Variants in KCNQ1 observed in about 807,000 individuals in gnomAD.
KCNQ1 encodes potassium voltage-gated channel subfamily Q member 1, also known as potassium voltage-gated channel subfamily KQT member 1.
KCNQ1 carries 49 observed loss-of-function variants against 72.4 expected under a neutral mutation model. That is an observed-to-expected ratio of 0.68 (90% CI 0.54 to 0.86). KCNQ1 has a LOEUF of 0.86. KCNQ1 is among the 40% of genes least tolerant of loss of function. KCNQ1 has a pLI of 0.00. For synonymous variants in KCNQ1, 450 were observed against 412.6 expected, an observed-to-expected ratio of 1.09 and a Z score of -1.10; for missense variants, 790 against 945.1, an observed-to-expected ratio of 0.84 and a Z score of 2.15.
rs547646957 is a variant in KCNQ1, at chr11:2,745,208, G to A, written c.1515-23636G>A. Among the ~76,000 whole-genome samples, 1 of 152,276 alleles carries A rather than the reference G, an allele frequency of 6.6e-6. No individual in the cohort carries two copies. Among genetic ancestry groups the A allele is most frequent in the East Asian group, 1.9e-4 (1 of 5,186 alleles). ...TTCAACTGGAAGTTTGCTTGGGATT[G>A]CCTCGAATTTGCAGGTTAAATTTGG... On this transcript the variant is annotated intron_variant, in intron 11 of 15. Coordinates refer to ENST00000155840, the MANE Select transcript of KCNQ1 (RefSeq NM_000218.3). This position sits in a 1 kb window ranked among gnomAD's most constrained non-coding sequence, Gnocchi z 6.2.
rs1846464951 is a variant in KCNQ1 at position 2,471,706 on chromosome 11, GTGT to G, written c.386+26223_386+26225del. On this transcript the variant is annotated intron_variant, in intron 1 of 15. Transcript: ENST00000155840. The surrounding 1 kb of genome is among the most constrained non-coding windows in gnomAD (Gnocchi z 4.8). ...TGTATGGGTGTGCATGTGTGTATAG[GTGT>G]GTGTATGTGTGCATGGGCGTGTGTA... Among the ~76,000 whole-genome samples, 6 of 150,582 alleles carry G rather than the reference GTGT, an allele frequency of 4.0e-5. No individual in the cohort carries two copies. Among genetic ancestry groups the G allele is most frequent in the African/African-American group, 9.9e-5 (4 of 40,570 alleles).
In KCNQ1 at chr11:2,679,399, T is replaced by A. The variant is rs1420154569; in HGVS notation, c.1514+17318T>A. The A allele has an allele frequency of 2.5e-6, 1 of 398,508 alleles. No individual in the cohort carries two copies. Among genetic ancestry groups the A allele is most frequent in the East Asian group, 3.6e-5 (1 of 28,098 alleles). The allele number at this position is 398,508 out of a possible 1,614,324, so 24.7% of individuals were successfully genotyped here. ...AGTCTCAGTTTCTTTATTTGTAAAA[T>A]GGGAATCATAAGAGTACCTTCCTCA... On this transcript the variant is annotated intron_variant, in intron 11 of 15. Coordinates refer to ENST00000155840, the MANE Select transcript of KCNQ1 (RefSeq NM_000218.3). This position sits in a 1 kb window ranked among gnomAD's most constrained non-coding sequence, Gnocchi z 4.8.
chr11:2,833,883 CA>C (rs1033410850), intron 15 of KCNQ1, among the ~76,000 whole-genome samples: 2 of 152,194 alleles, frequency 1.3e-5, no homozygotes, highest in African/African-American at 4.8e-5. Context: ...CGGGGCTTGC[CA>C]AATATGTCCA....
chr11:2,572,600 G>A (rs549177930), intron 5 of KCNQ1, among the ~76,000 whole-genome samples: 17 of 152,230 alleles, frequency 1.1e-4, no homozygotes, highest in Admixed American at 3.3e-4. Context: ...AGTGGAGCCC[G>A]CGCCGGCCCA....
chr11:2,456,261 C>T lies in KCNQ1; in HGVS notation c.386+10777C>T, dbSNP rs921769875. ...GCTGAGGCAGGAGATTGCACCACTG[C>T]GCTCCAGCCTGGGTGACAAGAGCAA... On this transcript the variant is annotated intron_variant, in intron 1 of 15. Coordinates refer to ENST00000155840, the MANE Select transcript of KCNQ1 (RefSeq NM_000218.3). Among the ~76,000 whole-genome samples, 6 of 151,128 alleles carry T rather than the reference C, an allele frequency of 4.0e-5. 1 individual carries two copies. Among genetic ancestry groups the T allele is most frequent in the South Asian group, 4.2e-4 (2 of 4,810 alleles).
chr11:2,733,629 A>G (rs1216348828), intron 11 of KCNQ1, among the ~76,000 whole-genome samples: 1 of 151,978 alleles, frequency 6.6e-6, no homozygotes, highest in Non-Finnish European at 1.5e-5. Flanking sequence ...CTTGAGAGGA[A>G]GAACAGCCAG....
chr11:2,761,310 T>A (rs1048708759), intron 11 of KCNQ1, among the ~76,000 whole-genome samples: 1 of 152,066 alleles, frequency 6.6e-6, no homozygotes, highest in African/African-American at 2.4e-5. Flanking sequence ...TACGCTGGTG[T>A]GTTCCTCTCG....
intron 11 of KCNQ1, among the ~76,000 whole-genome samples, chr11:2,747,977 G>A (rs1466606419): frequency 2.0e-5 from 3 of 152,248 alleles, no homozygotes; most frequent in East Asian, 1.9e-4. Context: ...GACCAGAACC[G>A]GCTGCTTCCA....
intron 2 of KCNQ1, among the ~76,000 whole-genome samples, chr11:2,534,212 G>T (rs1250121030): frequency 6.6e-6 from 1 of 152,206 alleles, no homozygotes; most frequent in Non-Finnish European, 1.5e-5. Context: ...GTGGAACAAG[G>T]TCGGGTCCTG....
At chr11:2,555,639 A>G (rs147494552) in intron 2 of KCNQ1, among the ~76,000 whole-genome samples, 121 of 152,382 alleles carry the variant, frequency 7.9e-4, no homozygotes, top group South Asian at 1.4e-3. Flanking sequence ...TGTGGGGCTC[A>G]GCAGAGGATT....
Position 2,616,203 on chromosome 11 carries a change from TG to T in KCNQ1, c.1393+27350del, listed in dbSNP as rs201196387. ...AGATCAGTTATATCGTTCCCACTTT[TG>T]TTTTTTTTTCTTATTTTTGTTTTTT... On this transcript the variant is annotated intron_variant, in intron 10 of 15. Transcript: ENST00000155840. The T allele has an allele frequency of 3.5e-3, 1,345 of 385,466 alleles. 5 individuals are homozygous for T. Among genetic ancestry groups the T allele is most frequent in the Admixed American group, 0.026 (575 of 22,310 alleles). The allele number at this position is 385,466 out of a possible 1,614,324, so 23.9% of individuals were successfully genotyped here.
Position 2,494,137 on chromosome 11 carries a change from G to T in KCNQ1, c.387-33791G>T, listed in dbSNP as rs1194910492. On this transcript the variant is annotated intron_variant, in intron 1 of 15. Transcript: ENST00000155840. The surrounding 1 kb of genome is among the most constrained non-coding windows in gnomAD (Gnocchi z 4.6). ...ATGAATGGGGATTCACTCATGATTT[G>T]GCTCTCTGCTTGTCTATTTTTGGTG... Among the ~76,000 whole-genome samples, 1 of 151,990 alleles carries T rather than the reference G, an allele frequency of 6.6e-6. No homozygotes were observed. Among genetic ancestry groups the T allele is most frequent in the Non-Finnish European group, 1.5e-5 (1 of 68,008 alleles).
In KCNQ1 at chr11:2,735,730, G is replaced by GGGTCCTCCTGCAGCCTCTCTCCGT. The variant is rs1845945924; in HGVS notation, c.1515-33111_1515-33088dup. ...TCCAAGGTCAAGGTGCTGCAGGGCTGGGTCCTCCTGCAGCCTCTCTCCGTG... is the reference window on the plus strand; with the variant it reads ...TCCAAGGTCAAGGTGCTGCAGGGCTGGGTCCTCCTGCAGCCTCTCTCCGTGGTCCTCCTGCAGCCTCTCTCCGTG... On this transcript the variant is annotated intron_variant, in intron 11 of 15. Coordinates refer to ENST00000155840, the MANE Select transcript of KCNQ1 (RefSeq NM_000218.3). The surrounding 1 kb of genome is among the most constrained non-coding windows in gnomAD (Gnocchi z 7.7). Among the ~76,000 whole-genome samples the GGGTCCTCCTGCAGCCTCTCTCCGT allele has an allele frequency of 6.6e-6, 1 of 152,026 alleles. No homozygotes were observed. Among genetic ancestry groups the GGGTCCTCCTGCAGCCTCTCTCCGT allele is most frequent in the Non-Finnish European group, 1.5e-5 (1 of 68,010 alleles).
rs1218962796 is a variant in KCNQ1, at chr11:2,547,449, G to C, written c.477+19431G>C. Among the ~76,000 whole-genome samples, 1 of 152,024 alleles carries C rather than the reference G, an allele frequency of 6.6e-6. No homozygotes were observed. Among genetic ancestry groups the C allele is most frequent in the Non-Finnish European group, 1.5e-5 (1 of 68,004 alleles). ...GCGTTTCACCATTTTGGCCAGGCTG[G>C]TCTTGAACTCCTGACCTCAAGTCAT... On this transcript the variant is annotated intron_variant, in intron 2 of 15. Transcript: ENST00000155840. The surrounding 1 kb of genome is among the most constrained non-coding windows in gnomAD (Gnocchi z 4.2).
intron 15 of KCNQ1, among the ~76,000 whole-genome samples, chr11:2,797,172 G>C (rs74725295): frequency 5.7e-4 from 87 of 152,030 alleles, no homozygotes; most frequent in African/African-American, 2.0e-3. Context: ...GGGGGGTGGC[G>C]GGGGGGAGGC....
intron 11 of KCNQ1, among the ~76,000 whole-genome samples, chr11:2,728,873 A>G (rs1845807014): frequency 6.6e-6 from 1 of 152,178 alleles, no homozygotes; most frequent in Non-Finnish European, 1.5e-5. Flanking sequence ...CTATTATTAC[A>G]CAGAAACTTC....
At chr11:2,749,476 G>A (rs111352587) in intron 11 of KCNQ1, among the ~76,000 whole-genome samples, 5,144 of 152,090 alleles carry the variant, frequency 0.034, 162 homozygotes, top group African/African-American at 0.081. Context: ...TCCCTTATTC[G>A]TACAACGGGA....
In KCNQ1 at chr11:2,712,615, G is replaced by T. The variant is rs1014795603; in HGVS notation, c.1514+50534G>T. Among the ~76,000 whole-genome samples, 8 of 152,316 alleles carry T rather than the reference G, an allele frequency of 5.3e-5. No homozygotes were observed. Among genetic ancestry groups the T allele is most frequent in the African/African-American group, 1.9e-4 (8 of 41,564 alleles). On this transcript the variant is annotated intron_variant, in intron 11 of 15. Coordinates refer to ENST00000155840, the MANE Select transcript of KCNQ1 (RefSeq NM_000218.3). The surrounding 1 kb of genome is among the most constrained non-coding windows in gnomAD (Gnocchi z 6.4). ...TTAGGTGGTTTGAGGAGACTTAGGG[G>T]CTTCCATATTCCCCTTGGAACATGA...
In KCNQ1 at chr11:2,657,233, A is replaced by G; in HGVS notation, c.1394-4728A>G. On this transcript the variant is annotated intron_variant, in intron 10 of 15. Coordinates refer to ENST00000155840, the MANE Select transcript of KCNQ1 (RefSeq NM_000218.3). The surrounding 1 kb of genome is among the most constrained non-coding windows in gnomAD (Gnocchi z 4.8). The stretch of plus-strand genomic sequence containing the variant: ...GCACTTCCAAGTCGCAGTTAGAATC[A>G]GCTTGCCAAAGTTCTCACACAGAAG... 2.5e-6 allele frequency: 1 copy of G among 398,666 alleles called. No individual in the cohort carries two copies. Among genetic ancestry groups the G allele is most frequent in the Non-Finnish European group, 4.4e-6 (1 of 226,072 alleles). 24.7% of individuals were successfully genotyped at this position (398,666 alleles called of 1,614,324 possible).
Sources: allele counts gnomAD v4.1 joint callset (sites outside exome capture counted in the v4.1 genomes callset), GRCh38; gene constraint gnomAD v4.1.1; non-coding constraint Gnocchi (gnomAD v3.1); transcripts MANE v1.5; gene names NCBI Gene and HGNC (gene_info 2026-07-23, HGNC 2026-07-21).